Variants in MSH5 observed in about 807,000 individuals in gnomAD.
MSH5 encodes the protein mutS protein homolog 5.
In MSH5, 78 loss-of-function variants were observed where a neutral mutation model predicts 107.7. The ratio of observed to expected loss-of-function variants is 0.72; its 90% CI spans 0.60 to 0.87. The LOEUF is 0.87. Ranked by LOEUF, MSH5 falls within the 40% of genes least tolerant of loss-of-function variation. MSH5 has a pLI of 0.00. For synonymous variants in MSH5, 326 were observed against 399.5 expected (o/e 0.82, Z 2.19); for missense variants, 889 against 1,046.6 (o/e 0.85, Z 2.08).
chr6:31,747,062 G>A (rs936251666), intron 9 of MSH5, among the ~76,000 whole-genome samples: 5 of 150,872 alleles, frequency 3.3e-5, no homozygotes, highest in Non-Finnish European at 7.4e-5. Flanking sequence ...CACGTGATCC[G>A]TCTGCCTCGG....
intron 10 of MSH5, among the ~76,000 whole-genome samples, chr6:31,749,243 T>C (rs1161548039): frequency 2.6e-5 from 4 of 151,954 alleles, no homozygotes; most frequent in Admixed American, 2.6e-4. Context: ...TCTGTACCTA[T>C]CAAAATCTTA....
intron 6 of MSH5, 76 bp from the exon 7 acceptor site, chr6:31,744,114 A>G: frequency 6.3e-7 from 1 of 1,594,768 alleles, no homozygotes; most frequent in Non-Finnish European, 8.5e-7. Context: ...CCTGGAAAAT[A>G]GTAACTTTCC....
intron 10 of MSH5, 113 bp downstream of exon 10, chr6:31,747,545 T>C (rs1293448757): frequency 1.8e-6 from 2 of 1,107,770 alleles, no homozygotes; most frequent in African/African-American, 3.1e-5. Context: ...CCCCACCTAG[T>C]AGTAGTAAAG....
Position 31,761,151 on chromosome 6 carries a change from A to C in MSH5, c.1963-37A>C. On this transcript the variant is annotated intron_variant, in intron 20 of 24. Transcript: ENST00000375750. The surrounding 1 kb of genome is among the most constrained non-coding windows in gnomAD (Gnocchi z 5.3). Reference sequence around the variant, plus strand: ...TGTGGTCAGTGCGTTACGGGCTTCCAATACTAACTTTCCCTTGTCCACCTT... The same window carrying C: ...TGTGGTCAGTGCGTTACGGGCTTCCCATACTAACTTTCCCTTGTCCACCTT... 1 of 1,603,756 alleles carries C rather than the reference A, an allele frequency of 6.2e-7. No homozygotes were observed. Among genetic ancestry groups the C allele is most frequent in the African/African-American group, 1.3e-5 (1 of 74,926 alleles).
intron 12 of MSH5, among the ~76,000 whole-genome samples, chr6:31,754,823 C>G: frequency 6.8e-6 from 1 of 148,046 alleles, no homozygotes; most frequent in East Asian, 2.0e-4. Context: ...ATGATCTCGG[C>G]TCACTGCAAC....
At chr6:31,746,488 G>T (rs1321719738) in intron 9 of MSH5, among the ~76,000 whole-genome samples, 1 of 151,956 alleles carries the variant, frequency 6.6e-6, no homozygotes. Context: ...ACCCAGGCTG[G>T]AGTGCAGTGG....
chr6:31,760,560 G>T lies in MSH5; in HGVS notation c.1813-130G>T. On this transcript the variant is annotated intron_variant, in intron 19 of 24. Coordinates refer to ENST00000375750, the MANE Select transcript of MSH5 (RefSeq NM_172166.4). The surrounding 1 kb of genome is among the most constrained non-coding windows in gnomAD (Gnocchi z 5.6). Reference sequence around the variant, plus strand: ...GATTCGGGGAGGAGAGACAGAGTCAGTGTGTCTGTTACCTATTTCTCCTGT... The same window carrying T: ...GATTCGGGGAGGAGAGACAGAGTCATTGTGTCTGTTACCTATTTCTCCTGT... 1.6e-6 allele frequency: 2 copies of T among 1,221,304 alleles called. No homozygotes were observed. Among genetic ancestry groups the T allele is most frequent in the African/African-American group, 1.5e-5 (1 of 67,420 alleles). 75.7% of individuals were successfully genotyped at this position (1,221,304 alleles called of 1,614,324 possible).
Position 31,758,403 on chromosome 6 carries a change from A to G in MSH5, c.1143+110A>G, listed in dbSNP as rs1340801110. ...TGAGGTCAATTGGATAAAGAATGGG[A>G]TGGTGGGAGGAGGCAGCAGAACTTC... On this transcript the variant is annotated intron_variant, in intron 13 of 24. Coordinates refer to ENST00000375750, the MANE Select transcript of MSH5 (RefSeq NM_172166.4). This position sits in a 1 kb window ranked among gnomAD's most constrained non-coding sequence, Gnocchi z 5.1. 1.3e-5 allele frequency: 20 copies of G among 1,566,202 alleles called. No individual in the cohort carries two copies. Among genetic ancestry groups the G allele is most frequent in the Non-Finnish European group, 1.7e-5 (19 of 1,144,526 alleles).
In MSH5 at chr6:31,761,337, G is replaced by C; in HGVS notation, c.2037+75G>C. On this transcript the variant is annotated intron_variant, in intron 21 of 24. Transcript: ENST00000375750. The surrounding 1 kb of genome is among the most constrained non-coding windows in gnomAD (Gnocchi z 5.3). ...GAGGATGAAGGAGCATGACAGTGAG[G>C]CTGGGCCTCTGGAATGGAATAGGGC... The C allele has an allele frequency of 6.2e-7, 1 of 1,606,052 alleles. No individual in the cohort carries two copies. Among genetic ancestry groups the C allele is most frequent in the Non-Finnish European group, 8.5e-7 (1 of 1,174,672 alleles).
At chr6:31,752,417 A>T (rs1414232205) in intron 10 of MSH5, among the ~76,000 whole-genome samples, 2 of 150,538 alleles carry the variant, frequency 1.3e-5, no homozygotes, top group Non-Finnish European at 3.0e-5. Flanking sequence ...AAAATAAAAT[A>T]AAAAAAAAGA....
In MSH5 at chr6:31,750,272, T is replaced by G. The variant is rs17207482; in HGVS notation, c.812+2840T>G. ...AATACCTCTAACGTACAAAAAGATGTAAATAATAATATAGGGCCAGATGTG... is the reference window on the plus strand; with the variant it reads ...AATACCTCTAACGTACAAAAAGATGGAAATAATAATATAGGGCCAGATGTG... On this transcript the variant is annotated intron_variant, in intron 10 of 24. Coordinates refer to ENST00000375750, the MANE Select transcript of MSH5 (RefSeq NM_172166.4). 4.3e-3 allele frequency among the ~76,000 whole-genome samples: 654 copies of G among 152,274 alleles called. 5 individuals are homozygous for G. Among genetic ancestry groups the G allele is most frequent in the African/African-American group, 0.015 (620 of 41,562 alleles).
Position 31,760,261 on chromosome 6 carries a change from C to T in MSH5, c.1812+45C>T, listed in dbSNP as rs1810871229. ...CCTGGGCCTCTGGCGTCTCCTGCATCTACTCCACCCCTACTTGCCAGCCAA... is the reference window on the plus strand; with the variant it reads ...CCTGGGCCTCTGGCGTCTCCTGCATTTACTCCACCCCTACTTGCCAGCCAA... On this transcript the variant is annotated intron_variant, in intron 19 of 24. Coordinates refer to ENST00000375750, the MANE Select transcript of MSH5 (RefSeq NM_172166.4). This position sits in a 1 kb window ranked among gnomAD's most constrained non-coding sequence, Gnocchi z 5.6. 4.6e-6 allele frequency: 7 copies of T among 1,529,492 alleles called. No homozygotes were observed. Among genetic ancestry groups the T allele is most frequent in the South Asian group, 3.9e-5 (3 of 76,808 alleles). The allele number at this position is 1,529,492 out of a possible 1,614,324, so 94.7% of individuals were successfully genotyped here. A position where few individuals can be genotyped will look rare whatever the true frequency, so the allele number is the denominator to read the frequency against.
At chr6:31,753,270 G>T in intron 10 of MSH5, 31 bp from the exon 11 acceptor site, 5 of 1,574,488 alleles carry the variant, frequency 3.2e-6, no homozygotes, top group Non-Finnish European at 4.3e-6. Flanking sequence ...GATGTAACTT[G>T]TAGTACCCCC....
rs1809588284 is a variant in MSH5 at position 31,747,713 on chromosome 6, AC to A, written c.812+282del. Among the ~76,000 whole-genome samples the A allele has an allele frequency of 9.8e-5, 15 of 152,296 alleles. No homozygotes were observed. The South Asian group carries it at 2.9e-3, about 29-fold the overall frequency. On this transcript the variant is annotated intron_variant, in intron 10 of 24. Transcript: ENST00000375750. ...ACACATACAAGCAGCAGGAAAAAAC[AC>A]AAAATGTAAGGCCGGGCACAGTGGC...
chr6:31,745,327 T>C lies in MSH5; in HGVS notation c.766+8T>C. 1 of 1,598,884 alleles carries C rather than the reference T, an allele frequency of 6.3e-7. No individual in the cohort carries two copies. Among genetic ancestry groups the C allele is most frequent in the East Asian group, 2.2e-5 (1 of 44,790 alleles). On this transcript the variant is annotated splice_region_variant and intron_variant, in intron 9 of 24. Transcript: ENST00000375750. The stretch of plus-strand genomic sequence containing the variant: ...AGGGGCTCAGCCTCTTTGGTAGGTG[T>C]GCCCCATCCCTCATCTCACATTACA...
At chr6:31,750,617 C>T (rs17207496) in intron 10 of MSH5, among the ~76,000 whole-genome samples, 137 of 152,282 alleles carry the variant, frequency 9.0e-4, no homozygotes, top group Non-Finnish European at 1.3e-3. Flanking sequence ...TTTAGTGCAG[C>T]GCATGTGCTT....
Position 31,758,646 on chromosome 6 carries a change from G to C in MSH5, c.1216+26G>C, listed in dbSNP as rs1323205725. The C allele has an allele frequency of 6.2e-7, 1 of 1,613,422 alleles. No individual in the cohort carries two copies. The highest frequency in any genetic ancestry group is 8.5e-7 in the Non-Finnish European group (1 of 1,179,530). On this transcript the variant is annotated intron_variant, in intron 14 of 24. Transcript: ENST00000375750. The surrounding 1 kb of genome is among the most constrained non-coding windows in gnomAD (Gnocchi z 5.1). ...GTGAGTGTTGGGTGTGGATGGGCCT[G>C]TGAGCCCTGCGCAGTGATGGAGTAC...
Position 31,759,727 on chromosome 6 carries a change from G to C in MSH5, c.1496-59G>C. ...TTTCCAGATCCCCCTAGGGGCCTCTGCCTCTCCTTCACTTTCCCCTGGAAC... is the reference window on the plus strand; with the variant it reads ...TTTCCAGATCCCCCTAGGGGCCTCTCCCTCTCCTTCACTTTCCCCTGGAAC... On this transcript the variant is annotated intron_variant, in intron 17 of 24. Coordinates refer to ENST00000375750, the MANE Select transcript of MSH5 (RefSeq NM_172166.4). The surrounding 1 kb of genome is among the most constrained non-coding windows in gnomAD (Gnocchi z 4.7). 2 of 1,582,766 alleles carry C rather than the reference G, an allele frequency of 1.3e-6. No individual in the cohort carries two copies. The highest frequency in any genetic ancestry group is 1.7e-6 in the Non-Finnish European group (2 of 1,162,692).
At chr6:31,741,358 CACACACACACACACACACACACACAT>C (rs1353020472) in intron 3 of MSH5, 72 bp downstream of exon 3, 42 of 1,339,726 alleles carry the variant, frequency 3.1e-5, no homozygotes, top group Middle Eastern at 2.6e-4. Context: ...CACACACACA[CACACACACACACACACACACACACAT>C]ATTTTTTTTT....
Sources: allele counts gnomAD v4.1 joint callset (sites outside exome capture counted in the v4.1 genomes callset), GRCh38; gene constraint gnomAD v4.1.1; non-coding constraint Gnocchi (gnomAD v3.1); transcripts MANE v1.5; gene names NCBI Gene and HGNC (gene_info 2026-07-23, HGNC 2026-07-21).